DAAM1: variants seen among roughly 807,000 people sequenced by gnomAD.
DAAM1 encodes dishevelled associated activator of morphogenesis 1.
DAAM1 carries 52 observed loss-of-function variants against 130.0 expected under a neutral mutation model. That is an observed-to-expected ratio of 0.40 (90% confidence interval 0.32 to 0.50). The LOEUF (loss-of-function observed/expected upper bound fraction) is 0.50, where lower values mean the gene tolerates loss of function less well. Among genes scored for constraint, DAAM1 ranks in the 20% least tolerant of loss-of-function variants. The pLI, the probability that DAAM1 is intolerant of heterozygous loss-of-function variation, is 0.61. For synonymous variants in DAAM1, 452 were observed against 444.5 expected (o/e 1.02, Z -0.21); for missense variants, 1,134 against 1,303.8 (o/e 0.87, Z 2.01).
In DAAM1 at chr14:59,244,157, C is replaced by T. The variant is rs895170378; in HGVS notation, c.-37-19284C>T. Among the ~76,000 whole-genome samples, 8 of 152,004 alleles carry T rather than the reference C, an allele frequency of 5.3e-5. No individual in the cohort carries two copies. The South Asian group carries it at 1.0e-3, about 20-fold the overall frequency. ...CTTGGCTCTCTAATTCTCTCTTGCC[C>T]GCCACCATGTAAGACATGCCTTTCA... On this transcript the variant is annotated intron_variant, in intron 1 of 24. Coordinates refer to ENST00000360909, the MANE Select transcript of DAAM1 (RefSeq NM_001270520.2).
chr14:59,323,556 A>G (rs1885099405), intron 6 of DAAM1, among the ~76,000 whole-genome samples: 1 of 152,044 alleles, frequency 6.6e-6, no homozygotes, highest in African/African-American at 2.4e-5. Flanking sequence ...TAGGATCAAT[A>G]TTAATAATTT....
intron 1 of DAAM1, among the ~76,000 whole-genome samples, chr14:59,220,330 T>G (rs1277854664): frequency 6.6e-6 from 1 of 152,204 alleles, no homozygotes; most frequent in East Asian, 1.9e-4. Context: ...GGATTAACTC[T>G]AGAGCAAACA....
intron 5 of DAAM1, 31 bp downstream of exon 5, chr14:59,320,615 T>C (rs2139614892): frequency 6.6e-7 from 1 of 1,505,216 alleles, no homozygotes; most frequent in South Asian, 1.3e-5. Flanking sequence ...ATGTTTTTTT[T>C]TTTTCTCTCC....
intron 2 of DAAM1, among the ~76,000 whole-genome samples, chr14:59,274,114 C>G (rs1267760952): frequency 6.6e-6 from 1 of 152,104 alleles, no homozygotes; most frequent in Non-Finnish European, 1.5e-5. Context: ...GGGTGAAGAG[C>G]TAGAATTTTT....
At chr14:59,207,963 A>G (rs771456966) in intron 1 of DAAM1, among the ~76,000 whole-genome samples, 2 of 152,194 alleles carry the variant, frequency 1.3e-5, no homozygotes, top group Non-Finnish European at 2.9e-5. Flanking sequence ...TTTTGGTTAT[A>G]ATATTAATTT....
intron 3 of DAAM1, among the ~76,000 whole-genome samples, chr14:59,305,114 A>G (rs146128697): frequency 7.5e-4 from 114 of 152,346 alleles, no homozygotes; most frequent in African/African-American, 2.3e-3. Flanking sequence ...TGCACGATAC[A>G]TAAGGGTTTA....
intron 15 of DAAM1, among the ~76,000 whole-genome samples, 168 bp from the exon 16 acceptor site, chr14:59,339,906 G>A (rs139437499): frequency 1.3e-5 from 2 of 152,110 alleles, no homozygotes; most frequent in Non-Finnish European, 2.9e-5. Context: ...CTAGACTGTA[G>A]CCTTTGTTTC....
At chr14:59,360,183 G>T (rs1886647502) in intron 21 of DAAM1, among the ~76,000 whole-genome samples, 2 of 152,090 alleles carry the variant, frequency 1.3e-5, no homozygotes, top group African/African-American at 4.8e-5. Flanking sequence ...TAAATTATCT[G>T]GGAGAATTAA....
chr14:59,353,183 C>T (rs1886352480), intron 18 of DAAM1, among the ~76,000 whole-genome samples: 1 of 152,116 alleles, frequency 6.6e-6, no homozygotes, highest in Non-Finnish European at 1.5e-5. Context: ...CTGAGGCAGC[C>T]ACAGCTTCGT....
intron 1 of DAAM1, among the ~76,000 whole-genome samples, chr14:59,225,019 G>GTTTTTTTTTTTTTTT (rs869233694): frequency 7.7e-5 from 7 of 90,806 alleles, no homozygotes; most frequent in Non-Finnish European, 1.3e-4. Context: ...ATCTGTGTGG[G>GTTTTTTTTTTTTTTT]TTTTTTTTTT....
At chr14:59,368,456 T>A (rs944879511) in intron 24 of DAAM1, among the ~76,000 whole-genome samples, 194 bp from the exon 25 acceptor site, 3 of 152,106 alleles carry the variant, frequency 2.0e-5, no homozygotes, top group African/African-American at 7.2e-5. Context: ...AGTGGTTGTT[T>A]TTTGTTGTCC....
At chr14:59,289,682 A>G (rs929978427) in intron 2 of DAAM1, among the ~76,000 whole-genome samples, 6 of 150,828 alleles carry the variant, frequency 4.0e-5, no homozygotes, top group South Asian at 2.1e-4. Flanking sequence ...ATGCACTTGT[A>G]TGTTCATTGC....
intron 1 of DAAM1, among the ~76,000 whole-genome samples, chr14:59,197,616 G>C (rs900876497): frequency 5.9e-5 from 9 of 152,234 alleles, no homozygotes; most frequent in Non-Finnish European, 1.0e-4. Context: ...ACTGTGGCAG[G>C]AAACTGCCTT....
chr14:59,243,170 A>G (rs575850577), intron 1 of DAAM1, among the ~76,000 whole-genome samples: 2 of 152,290 alleles, frequency 1.3e-5, no homozygotes, highest in African/African-American at 4.8e-5. Flanking sequence ...AAGCACATCC[A>G]AAAGGTAAGT....
chr14:59,335,389 T>G (rs1464741413), intron 15 of DAAM1, among the ~76,000 whole-genome samples: 3 of 152,214 alleles, frequency 2.0e-5, no homozygotes, highest in Non-Finnish European at 4.4e-5. Flanking sequence ...CTTTTTCTCA[T>G]TGAAACTACA....
chr14:59,214,139 A>G (rs552801673), intron 1 of DAAM1, among the ~76,000 whole-genome samples: 1 of 152,262 alleles, frequency 6.6e-6, no homozygotes, highest in South Asian at 2.1e-4. Context: ...ACTTTGGAAG[A>G]TTGGGGCTGT....
intron 1 of DAAM1, among the ~76,000 whole-genome samples, chr14:59,197,166 C>T (rs1887925895): frequency 6.6e-6 from 1 of 152,160 alleles, no homozygotes; most frequent in Non-Finnish European, 1.5e-5. Context: ...GTGATCCGCC[C>T]GACTCAGCCT....
Position 59,369,756 on chromosome 14 carries a change from A to AAT in DAAM1, c.*898_*899insTA. 1 of 148,554 alleles carries AAT rather than the reference A, an allele frequency of 6.7e-6. No homozygotes were observed. Among genetic ancestry groups the AAT allele is most frequent in the South Asian group, 2.1e-4 (1 of 4,738 alleles). 9.2% of individuals were successfully genotyped at this position (148,554 alleles called of 1,614,324 possible). A position where few individuals can be genotyped will look rare whatever the true frequency, so the allele number is the denominator to read the frequency against. ...TCTCTGAAGGGATAAAGATTACTAA[A>AAT]AAAAAAAAAAAAAAAAAAAAATTAA... is the stretch of plus-strand genomic sequence containing the variant. On this transcript the variant is annotated 3_prime_UTR_variant, in exon 25 of 25. Transcript: ENST00000360909.
In DAAM1 at chr14:59,347,761, G is replaced by GA. The variant is rs200819855; in HGVS notation, c.2160+139dup. 2.4e-3 allele frequency: 1,762 copies of GA among 743,170 alleles called. 17 individuals carry two copies. In the African/African-American group the frequency reaches 0.028, roughly 12 times the overall value. The allele number at this position is 743,170 out of a possible 1,614,324, so 46.0% of individuals were successfully genotyped here. A position where few individuals can be genotyped will look rare whatever the true frequency, so the allele number is the denominator to read the frequency against. ...AGGAGGCTGAACCAAGTTCCCATGT[G>GA]ACTCTGTTAGGAAACTTAATGACCT... On this transcript the variant is annotated intron_variant, in intron 17 of 24. Coordinates refer to ENST00000360909, the MANE Select transcript of DAAM1 (RefSeq NM_001270520.2).
Sources: allele counts gnomAD v4.1 joint callset (sites outside exome capture counted in the v4.1 genomes callset), GRCh38; gene constraint gnomAD v4.1.1; transcripts MANE v1.5; gene names NCBI Gene and HGNC (gene_info 2026-07-23, HGNC 2026-07-21).